The following CAMSAP1 variants were observed in gnomAD, a reference collection of about 807,000 sequenced individuals.
CAMSAP1 encodes the protein calmodulin regulated spectrin associated protein 1.
Under a neutral mutation model 143.5 loss-of-function variants are expected in CAMSAP1, and 58 were observed. The observed-to-expected ratio is 0.40, with a 90% CI of 0.33 to 0.50. CAMSAP1 has a LOEUF of 0.50. Among genes scored for constraint, CAMSAP1 ranks in the 20% least tolerant of loss-of-function variants. CAMSAP1 has a pLI of 0.45. For missense variants in CAMSAP1, 1,969 were observed against 2,115.7 expected (o/e 0.93, Z 1.36); for synonymous variants, 945 against 859.3 (o/e 1.10, Z -1.74).
chr9:135,860,880 T>C (rs1281348072), intron 5 of CAMSAP1, among the ~76,000 whole-genome samples: 1 of 152,306 alleles, frequency 6.6e-6, no homozygotes, highest in South Asian at 2.1e-4. Flanking sequence ...CTCATGGAAA[T>C]GTCCCTGCAC....
chr9:135,907,110 TC>T lies in CAMSAP1; in HGVS notation c.49del (p.Glu17ArgfsTer80). On this transcript the variant is annotated frameshift_variant, in exon 1 of 17. Coordinates refer to ENST00000389532, the MANE Select transcript of CAMSAP1 (RefSeq NM_015447.4). LOFTEE classifies it high-confidence loss of function. Reference sequence around the variant, plus strand: ...GTCGGCGGCGCCGTCCGGCGGGGCCTCCATCTTCCTCCAGCCCTCGGCGGCG... The same window carrying T: ...GTCGGCGGCGCCGTCCGGCGGGGCCTCATCTTCCTCCAGCCCTCGGCGGCG... ...RAAAEGWRKM[E>X]APPDGAADLV... is the part of the protein sequence containing the mutation. 1 of 1,132,972 alleles carries T rather than the reference TC, an allele frequency of 8.8e-7. No homozygotes were observed. The highest frequency in any genetic ancestry group is 3.1e-4 in the Middle Eastern group (1 of 3,218). 70.2% of individuals were successfully genotyped at this position (1,132,972 alleles called of 1,614,324 possible).
intron 7 of CAMSAP1, chr9:135,849,905 GGAACTTTTA>G: frequency 2.6e-6 from 1 of 390,542 alleles, no homozygotes; most frequent in East Asian, 4.0e-5. Context: ...CAGCCATCCT[GGAACTTTTA>G]GAGTTGTGCA....
chr9:135,831,460 C>G lies in CAMSAP1; in HGVS notation c.1046-3876G>C, dbSNP rs542786049. ...ACAAATCTGGCCAACATAGCGAGAC[C>G]CCATCTCTCTTTTTTTAATTAAAAA... On this transcript the variant is annotated intron_variant, in intron 7 of 16. Coordinates refer to ENST00000389532, the MANE Select transcript of CAMSAP1 (RefSeq NM_015447.4). Among the ~76,000 whole-genome samples, 3 of 151,194 alleles carry G rather than the reference C, an allele frequency of 2.0e-5. No homozygotes were observed. The East Asian group carries it at 5.8e-4, about 29-fold the overall frequency.
Position 135,875,331 on chromosome 9 carries a change from T to C in CAMSAP1, c.585+6302A>G, listed in dbSNP as rs566281547. On this transcript the variant is annotated intron_variant, in intron 3 of 16. Transcript: ENST00000389532. ...TTCAAGCAATTCTCCTGTCTCAGCC[T>C]CCCAAGCAGCTGGGATTACAGGCAT... is the stretch of plus-strand genomic sequence containing the variant. 4.6e-5 allele frequency among the ~76,000 whole-genome samples: 7 copies of C among 151,964 alleles called. No individual in the cohort carries two copies. In the East Asian group the frequency reaches 1.2e-3, roughly 25 times the overall value.
At position 135,818,452 on chromosome 9, in the gene CAMSAP1, C is replaced by T. The variant is rs376183260; in HGVS notation, c.4124G>A (p.Arg1375Gln). The T allele has an allele frequency of 6.9e-6, 11 of 1,600,990 alleles. No homozygotes were observed. The highest frequency in any genetic ancestry group is 6.7e-5 in the African/African-American group (5 of 74,932). The part of the protein sequence containing the change: ...PKKPRPKSVH[R>Q]EESCSDSGTK... ...GCCGGAGTCGCTGCACGACTCTTCC[C>T]GGTGCACCGACTTCGGCCGCGGCTT... is the stretch of plus-strand genomic sequence containing the variant. The change falls in exon 13 of 17, where the codon CGG (arginine) becomes CAG (glutamine). Residue 1375 changes from arginine (R) to glutamine (Q), a missense_variant. Arg to Gln is a conservative substitution (Grantham distance 43). Coordinates refer to ENST00000389532, the MANE Select transcript of CAMSAP1 (RefSeq NM_015447.4). The surrounding 1 kb of genome is among the most constrained non-coding windows in gnomAD (Gnocchi z 7.7).
Position 135,907,512 on chromosome 9 carries a change from G to C in CAMSAP1, c.-353C>G, listed in dbSNP as rs1468385239. ...GGTGAGCGGCGGCGGCGGCGACAGC[G>C]GCTGAGGCGGTGGCCAAGGAGCGGG... On this transcript the variant is annotated 5_prime_UTR_variant, in exon 1 of 17. Coordinates refer to ENST00000389532, the MANE Select transcript of CAMSAP1 (RefSeq NM_015447.4). Among the ~76,000 whole-genome samples, 3 of 147,940 alleles carry C rather than the reference G, an allele frequency of 2.0e-5. No homozygotes were observed. The highest frequency in any genetic ancestry group is 3.0e-5 in the Non-Finnish European group (2 of 66,338).
chr9:135,897,761 C>A (rs753772113), intron 1 of CAMSAP1, among the ~76,000 whole-genome samples: 1 of 152,066 alleles, frequency 6.6e-6, no homozygotes, highest in East Asian at 1.9e-4. Context: ...GGCAAGATGG[C>A]GTAAGACTTC....
At chr9:135,906,943 T>G in intron 1 of CAMSAP1, 57 bp downstream of exon 1, 2 of 896,172 alleles carry the variant, frequency 2.2e-6, no homozygotes, top group Non-Finnish European at 1.3e-6. Context: ...CCCGGCCGCG[T>G]CCCCCGGCCC....
Position 135,811,846 on chromosome 9 carries a change from G to A in CAMSAP1, c.4507-235C>T, listed in dbSNP as rs373249842. 2.0e-5 allele frequency among the ~76,000 whole-genome samples: 3 copies of A among 152,206 alleles called. No individual in the cohort carries two copies. The highest frequency in any genetic ancestry group is 1.3e-4 in the Admixed American group (2 of 15,280). On this transcript the variant is annotated intron_variant, in intron 16 of 16. Coordinates refer to ENST00000389532, the MANE Select transcript of CAMSAP1 (RefSeq NM_015447.4). The surrounding 1 kb of genome is among the most constrained non-coding windows in gnomAD (Gnocchi z 4.9). ...GCAAGGGGGAAAAGAATGCTTTTAC[G>A]ATTAAATGGAAAAGCATATGAAAAG...
At chr9:135,867,515 A>G (rs1325895932) in intron 3 of CAMSAP1, among the ~76,000 whole-genome samples, 3 of 150,954 alleles carry the variant, frequency 2.0e-5, no homozygotes, top group African/African-American at 7.3e-5. Flanking sequence ...AAAGCTAATC[A>G]AGAAAATGAA....
chr9:135,861,037 G>GC (rs1226764902), intron 5 of CAMSAP1, among the ~76,000 whole-genome samples: 2 of 152,198 alleles, frequency 1.3e-5, no homozygotes, highest in Non-Finnish European at 2.9e-5. Flanking sequence ...CCCAAGAGCT[G>GC]CATTTCCTCC....
At chr9:135,833,372 C>T (rs1010063878) in intron 7 of CAMSAP1, among the ~76,000 whole-genome samples, 8 of 152,174 alleles carry the variant, frequency 5.3e-5, no homozygotes, top group African/African-American at 1.7e-4. Flanking sequence ...TGAGCCACCG[C>T]GCCCGGCCAG....
intron 14 of CAMSAP1, among the ~76,000 whole-genome samples, chr9:135,817,256 G>A (rs968834840): frequency 4.6e-5 from 7 of 152,204 alleles, no homozygotes; most frequent in African/African-American, 1.4e-4. Flanking sequence ...GCTGAATGGG[G>A]ACCGCAAATC....
chr9:135,892,867 A>AAAAAAAAG (rs1554800261), intron 1 of CAMSAP1, among the ~76,000 whole-genome samples: 2 of 147,746 alleles, frequency 1.4e-5, no homozygotes, highest in African/African-American at 5.1e-5. Flanking sequence ...AAAAAAAAAA[A>AAAAAAAAG]GAACTAATCA....
chr9:135,891,552 T>C (rs956197559), intron 1 of CAMSAP1, among the ~76,000 whole-genome samples: 4 of 152,224 alleles, frequency 2.6e-5, no homozygotes, highest in Admixed American at 6.5e-5. Flanking sequence ...ATGGGGTTTA[T>C]TGCAACCCAG....
intron 4 of CAMSAP1, chr9:135,865,282 G>T: frequency 2.0e-6 from 3 of 1,536,340 alleles, no homozygotes; most frequent in Non-Finnish European, 2.6e-6. Context: ...GCAAGTGATC[G>T]CGACAGGATG....
chr9:135,822,071 T>G lies in CAMSAP1; in HGVS notation c.2590A>C (p.Ser864Arg), dbSNP rs1197359219. 3.7e-6 allele frequency: 6 copies of G among 1,612,518 alleles called. No individual in the cohort carries two copies. The highest frequency in any genetic ancestry group is 4.2e-6 in the Non-Finnish European group (5 of 1,179,564). ...TWRQKREQSP[S>R]QHGKDPASLL... ...CTGGCGGGATCCTTGCCATGCTGGC[T>G]CGGACTCTGCTCCCTCTTCTGCCTC... The change falls in exon 11 of 17, where the codon AGC becomes CGC. Residue 864 changes from serine to arginine, a missense_variant. Coordinates refer to ENST00000389532, the MANE Select transcript of CAMSAP1 (RefSeq NM_015447.4). The surrounding 1 kb of genome is among the most constrained non-coding windows in gnomAD (Gnocchi z 6.1).
chr9:135,870,419 C>A (rs1002885115), intron 3 of CAMSAP1, among the ~76,000 whole-genome samples: 4 of 152,148 alleles, frequency 2.6e-5, no homozygotes, highest in Admixed American at 2.6e-4. Context: ...AACCTCTTTT[C>A]TTTATAAATT....
intron 7 of CAMSAP1, among the ~76,000 whole-genome samples, chr9:135,838,719 G>C (rs1249185866): frequency 6.8e-6 from 1 of 147,434 alleles, no homozygotes; most frequent in African/African-American, 2.6e-5. Flanking sequence ...CCGTTCTACA[G>C]ACACACATCA....
Sources: allele counts gnomAD v4.1 joint callset (sites outside exome capture counted in the v4.1 genomes callset), GRCh38; gene constraint gnomAD v4.1.1; non-coding constraint Gnocchi (gnomAD v3.1); transcripts MANE v1.5; gene names NCBI Gene and HGNC (gene_info 2026-07-23, HGNC 2026-07-21).